The following COBLL1 variants were observed in gnomAD, a reference collection of about 807,000 sequenced individuals.
COBLL1 encodes cordon-bleu protein-like 1.
A neutral mutation model predicts 94.8 loss-of-function variants in COBLL1; 50 were observed. The observed-to-expected ratio is 0.53, with a 90% CI of 0.42 to 0.67. The LOEUF (loss-of-function observed/expected upper bound fraction) is 0.67. COBLL1 is among the 30% of genes least tolerant of loss of function. The pLI is 0.00. For missense variants in COBLL1, 1,362 were observed against 1,348.7 expected (o/e 1.01, Z -0.15); for synonymous variants, 448 against 473.8 (o/e 0.95, Z 0.71).
rs1367420890 is a variant in COBLL1 at position 164,777,594 on chromosome 2, G to A, written c.42-33719C>T. Among the ~76,000 whole-genome samples the A allele has an allele frequency of 3.3e-5, 5 of 152,242 alleles. No homozygotes were observed. The East Asian group carries it at 9.7e-4, about 29-fold the overall frequency. ...AGAATGCTCACAATGATCCTTCTTA[G>A]GGAAAATGAGAACACAATCTTCTAA... On this transcript the variant is annotated intron_variant, in intron 2 of 13. Transcript: ENST00000652658.
At chr2:164,668,026 CCT>C (rs904594789) in intron 1 of COBLL1, among the ~76,000 whole-genome samples, 3 of 149,898 alleles carry the variant, frequency 2.0e-5, no homozygotes, top group African/African-American at 7.4e-5. Flanking sequence ...CTCACTGCAA[CCT>C]CTGTTATTTT....
At chr2:164,820,514 C>A (rs1162725612) in intron 2 of COBLL1, among the ~76,000 whole-genome samples, 2 of 152,166 alleles carry the variant, frequency 1.3e-5, no homozygotes, top group African/African-American at 4.8e-5. Flanking sequence ...AGTCACCGCG[C>A]CAGGCCTGCT....
intron 2 of COBLL1, among the ~76,000 whole-genome samples, chr2:164,766,335 T>C (rs1457481357): frequency 2.0e-5 from 3 of 152,194 alleles, no homozygotes; most frequent in Non-Finnish European, 4.4e-5. Context: ...CATGTTGAAT[T>C]TGTAATCCCC....
At position 164,694,693 on chromosome 2, in the gene COBLL1, G is replaced by T. The variant is rs1250398367; in HGVS notation, c.2699C>A (p.Thr900Lys). The change falls in exon 12 of 14, where the codon ACA becomes AAA. Residue 900 changes from threonine to lysine, a missense_variant. Thr to Lys is a moderately conservative substitution (Grantham distance 78). Coordinates refer to ENST00000652658, the MANE Select transcript of COBLL1 (RefSeq NM_001365672.2). Reference protein sequence around the residue: ...AAPNPAPKELTNKEAERDMLP... With the variant: ...AAPNPAPKELKNKEAERDMLP... ...CATATCCCTTTCTGCCTCTTTATTT[G>T]TCAGTTCTTTTGGAGCAGGATTAGG... 1.2e-6 allele frequency: 2 copies of T among 1,613,766 alleles called. No individual in the cohort carries two copies. The highest frequency in any genetic ancestry group is 2.2e-5 in the East Asian group (1 of 44,870).
intron 2 of COBLL1, among the ~76,000 whole-genome samples, chr2:164,751,680 A>T (rs1254997149): frequency 1.3e-5 from 2 of 152,132 alleles, no homozygotes; most frequent in African/African-American, 4.8e-5. Context: ...AAACCCACCA[A>T]ATCCCCCCGC....
At chr2:164,829,358 C>T (rs1682951854) in intron 2 of COBLL1, among the ~76,000 whole-genome samples, 1 of 152,088 alleles carries the variant, frequency 6.6e-6, no homozygotes, top group South Asian at 2.1e-4. Flanking sequence ...CTTCTTCTAC[C>T]ATCAGAAACT....
intron 2 of COBLL1, among the ~76,000 whole-genome samples, chr2:164,787,072 C>G (rs1378109028): frequency 6.6e-6 from 1 of 152,126 alleles, no homozygotes; most frequent in Admixed American, 6.6e-5. Flanking sequence ...ATCACTTTAA[C>G]CATGTTAATC....
intron 2 of COBLL1, among the ~76,000 whole-genome samples, chr2:164,769,376 T>A (rs1688089697): frequency 6.6e-6 from 1 of 152,194 alleles, no homozygotes; most frequent in South Asian, 2.1e-4. Context: ...CTATATTCCA[T>A]GAAAATCATT....
chr2:164,737,334 G>T (rs577847188), intron 3 of COBLL1, among the ~76,000 whole-genome samples: 5 of 152,114 alleles, frequency 3.3e-5, no homozygotes, highest in Non-Finnish European at 5.9e-5. Flanking sequence ...GAGCAGGCAG[G>T]TGACAGAGGC....
intron 7 of COBLL1, among the ~76,000 whole-genome samples, chr2:164,716,656 C>A (rs2105484972): frequency 6.6e-6 from 1 of 152,238 alleles, no homozygotes; most frequent in Middle Eastern, 3.4e-3. Flanking sequence ...TGGGTTAAAT[C>A]ATTTGCTAAC....
chr2:164,827,121 G>T (rs1385770813), intron 2 of COBLL1, among the ~76,000 whole-genome samples: 1 of 151,988 alleles, frequency 6.6e-6, no homozygotes, highest in Non-Finnish European at 1.5e-5. Flanking sequence ...TGGTTATTTT[G>T]TATTTTTAGT....
At chr2:164,692,511 T>C (rs1296791234) in intron 12 of COBLL1, 114 bp from the exon 13 acceptor site, 34 of 765,978 alleles carry the variant, frequency 4.4e-5, no homozygotes, top group Non-Finnish European at 5.6e-5. Context: ...GCCACACTGG[T>C]GTTTCAGACA....
rs888665244 is a variant in COBLL1, at chr2:164,743,975, T to C, written c.42-100A>G. 6.1e-6 allele frequency: 5 copies of C among 824,470 alleles called. No individual in the cohort carries two copies. In the African/African-American group the frequency reaches 7.0e-5, roughly 11 times the overall value. 51.1% of individuals were successfully genotyped at this position (824,470 alleles called of 1,614,324 possible). ...ATAAATATGATCTAGTAGTGGTTTT[T>C]CACATCTAGAAAAAATGTTCTACAA... On this transcript the variant is annotated intron_variant, in intron 2 of 13. Coordinates refer to ENST00000652658, the MANE Select transcript of COBLL1 (RefSeq NM_001365672.2).
intron 2 of COBLL1, among the ~76,000 whole-genome samples, chr2:164,786,952 C>G (rs1559015527): frequency 1.3e-5 from 2 of 152,114 alleles, no homozygotes; most frequent in Non-Finnish European, 2.9e-5. Flanking sequence ...CCTCCACAGA[C>G]CAGGGAAAGG....
chr2:164,827,854 G>A (rs76269124), intron 2 of COBLL1, among the ~76,000 whole-genome samples: 3,606 of 152,234 alleles, frequency 0.024, 135 homozygotes, highest in African/African-American at 0.082. Context: ...AACCTTGCCC[G>A]TGATGGACAA....
At chr2:164,759,333 A>G (rs1048466454) in intron 2 of COBLL1, among the ~76,000 whole-genome samples, 1 of 152,186 alleles carries the variant, frequency 6.6e-6, no homozygotes, top group Non-Finnish European at 1.5e-5. Context: ...AGCTAAAAGA[A>G]CTATTTGGAC....
At chr2:164,842,069 G>C, upstream of COBLL1, 1 of 1,496,952 alleles carries the variant, frequency 6.7e-7, no homozygotes, top group Non-Finnish European at 9.0e-7. Flanking sequence ...CAGCGAGCCG[G>C]AGAGAGGAAC....
chr2:164,699,140 T>G (rs1684103535), intron 11 of COBLL1, among the ~76,000 whole-genome samples: 1 of 151,990 alleles, frequency 6.6e-6, no homozygotes, highest in Non-Finnish European at 1.5e-5. Flanking sequence ...GGGCACACTC[T>G]AGAGCAATAT....
intron 7 of COBLL1, among the ~76,000 whole-genome samples, chr2:164,708,824 T>A (rs1219115629): frequency 6.6e-6 from 1 of 152,258 alleles, no homozygotes; most frequent in African/African-American, 2.4e-5. Context: ...GTTCCATGTT[T>A]CCCTTGTTTC....
Sources: gnomAD v4.1 joint callset for allele counts (sites outside exome capture counted in the v4.1 genomes callset) on GRCh38, gnomAD v4.1.1 for gene constraint, MANE v1.5 for transcripts, NCBI Gene and HGNC (gene_info 2026-07-23, HGNC 2026-07-21) for gene names.